RBKS: variants seen among roughly 807,000 people sequenced by gnomAD.
The protein encoded by RBKS is ribokinase.
Under a neutral mutation model 33.9 loss-of-function variants are expected in RBKS, and 33 were observed. The ratio of observed to expected loss-of-function variants is 0.97; its 90% CI spans 0.74 to 1.30. The LOEUF is 1.30. RBKS is among the 50% of genes most tolerant of loss of function. RBKS has a pLI of 0.00. For missense variants in RBKS, 361 were observed against 392.6 expected (o/e 0.92, Z 0.68); for synonymous variants, 125 against 143.0 (o/e 0.87, Z 0.90).
At chr2:27,785,140 A>G (rs1387066853) in intron 7 of RBKS, among the ~76,000 whole-genome samples, 1 of 152,242 alleles carries the variant, frequency 6.6e-6, no homozygotes, top group Non-Finnish European at 1.5e-5. Flanking sequence ...ATTTTGATGA[A>G]TATTTTTGTA....
intron 1 of RBKS, among the ~76,000 whole-genome samples, chr2:27,888,441 T>C (rs1573086227): frequency 6.6e-6 from 1 of 152,202 alleles, no homozygotes; most frequent in East Asian, 1.9e-4. Flanking sequence ...TTAGTTTTCT[T>C]ACTCTTCTGC....
At chr2:27,783,379 G>A (rs758152391) in intron 7 of RBKS, among the ~76,000 whole-genome samples, 1 of 152,142 alleles carries the variant, frequency 6.6e-6, no homozygotes, top group Non-Finnish European at 1.5e-5. Context: ...AAAAATGCAC[G>A]CAGAAAGAGC....
At chr2:27,797,661 G>C (rs1017272253) in intron 7 of RBKS, among the ~76,000 whole-genome samples, 2 of 152,122 alleles carry the variant, frequency 1.3e-5, no homozygotes, top group African/African-American at 4.8e-5. Context: ...CTGCATGGGG[G>C]GTCCATTTTC....
At chr2:27,865,571 C>CTTTT (rs5830052) in intron 1 of RBKS, among the ~76,000 whole-genome samples, 4 of 63,964 alleles carry the variant, frequency 6.3e-5, no homozygotes, top group Admixed American at 1.9e-4. Flanking sequence ...TCTCCTCCTC[C>CTTTT]TTTTTTTTTT....
At position 27,890,074 on chromosome 2, in the gene RBKS, T is replaced by G; in HGVS notation, c.89+183A>C. 2 of 582,262 alleles carry G rather than the reference T, an allele frequency of 3.4e-6. No homozygotes were observed. The highest frequency in any genetic ancestry group is 6.1e-6 in the Non-Finnish European group (2 of 327,006). 36.1% of individuals were successfully genotyped at this position (582,262 alleles called of 1,614,324 possible). On this transcript the variant is annotated intron_variant, in intron 1 of 7. Transcript: ENST00000302188. This position sits in a 1 kb window ranked among gnomAD's most constrained non-coding sequence, Gnocchi z 4.8. Reference sequence around the variant, plus strand: ...ACGTCCCCTCCCCTGAGATTTACCTTTATATACTCAAGTTCTTTCATGCCA... The same window carrying G: ...ACGTCCCCTCCCCTGAGATTTACCTGTATATACTCAAGTTCTTTCATGCCA...
intron 7 of RBKS, among the ~76,000 whole-genome samples, chr2:27,794,154 G>A (rs920271351): frequency 2.6e-5 from 4 of 151,638 alleles, no homozygotes; most frequent in African/African-American, 4.8e-5. Context: ...AAAATTAGCC[G>A]GGCGTGGTGG....
chr2:27,826,592 A>G (rs1405087633), intron 7 of RBKS, among the ~76,000 whole-genome samples: 1 of 152,064 alleles, frequency 6.6e-6, no homozygotes, highest in Non-Finnish European at 1.5e-5. Context: ...TATCTTTAGT[A>G]GAATGGGGTT....
At chr2:27,853,104 T>C (rs1663784656) in intron 2 of RBKS, among the ~76,000 whole-genome samples, 1 of 152,120 alleles carries the variant, frequency 6.6e-6, no homozygotes. Context: ...TGGTGGCTTA[T>C]GCCGTAATCC....
intron 1 of RBKS, among the ~76,000 whole-genome samples, chr2:27,861,051 T>C (rs912398547): frequency 3.3e-5 from 5 of 151,938 alleles, no homozygotes; most frequent in African/African-American, 1.2e-4. Context: ...CACTGCAACC[T>C]CCACCTCCTT....
chr2:27,882,670 A>C (rs754547416), intron 1 of RBKS, among the ~76,000 whole-genome samples: 157 of 152,250 alleles, frequency 1.0e-3, no homozygotes, highest in Non-Finnish European at 1.6e-3. Context: ...AAGACATGGA[A>C]TCAACCTAAA....
At chr2:27,803,744 G>A (rs546046721) in intron 7 of RBKS, among the ~76,000 whole-genome samples, 83 of 150,970 alleles carry the variant, frequency 5.5e-4, no homozygotes, top group African/African-American at 1.9e-3. Context: ...TAATTACTCT[G>A]CAATTAAAAG....
Position 27,811,942 on chromosome 2 carries a change from C to G in RBKS, c.795+15625G>C, listed in dbSNP as rs564020151. Among the ~76,000 whole-genome samples, 7 of 152,212 alleles carry G rather than the reference C, an allele frequency of 4.6e-5. No individual in the cohort carries two copies. In the East Asian group the frequency reaches 1.4e-3, roughly 29 times the overall value. ...AAATTCCACCACTGGCTCAGAGAAACAGCAACAAATCCTGTCACTGAGACT... is the reference window on the plus strand; with the variant it reads ...AAATTCCACCACTGGCTCAGAGAAAGAGCAACAAATCCTGTCACTGAGACT... On this transcript the variant is annotated intron_variant, in intron 7 of 7. Transcript: ENST00000302188.
At chr2:27,888,806 T>C (rs1394116958) in intron 1 of RBKS, among the ~76,000 whole-genome samples, 2 of 152,202 alleles carry the variant, frequency 1.3e-5, no homozygotes, top group East Asian at 3.8e-4. Flanking sequence ...AAATGTGACC[T>C]TGACCACATA....
At chr2:27,816,013 C>T (rs1297538672) in intron 7 of RBKS, among the ~76,000 whole-genome samples, 1 of 152,196 alleles carries the variant, frequency 6.6e-6, no homozygotes, top group Non-Finnish European at 1.5e-5. Flanking sequence ...CAGATCCCCT[C>T]AGGGAGCCCC....
At chr2:27,887,307 C>T (rs746663484) in intron 1 of RBKS, among the ~76,000 whole-genome samples, 1 of 152,176 alleles carries the variant, frequency 6.6e-6, no homozygotes, top group Admixed American at 6.5e-5. Flanking sequence ...ACAGATCCTC[C>T]TCTAGAGTCT....
chr2:27,789,986 T>TAGAG (rs368946256), intron 7 of RBKS, among the ~76,000 whole-genome samples: 3,221 of 130,856 alleles, frequency 0.025, 160 homozygotes, highest in East Asian at 0.16. Flanking sequence ...TATATATATG[T>TAGAG]AGAGAGAGAG....
chr2:27,835,479 C>T lies in RBKS; in HGVS notation c.515-2702G>A, dbSNP rs1000997095. On this transcript the variant is annotated intron_variant, in intron 5 of 7. Coordinates refer to ENST00000302188, the MANE Select transcript of RBKS (RefSeq NM_022128.3). The stretch of plus-strand genomic sequence containing the variant: ...TGTCACCCAGGCTGGAGTATAGTGG[C>T]GCAATCTTGGCTCACTGCAACCTCC... Among the ~76,000 whole-genome samples the T allele has an allele frequency of 3.6e-4, 40 of 110,498 alleles. No individual in the cohort carries two copies. In the Admixed American group the frequency reaches 5.5e-3, roughly 15 times the overall value. 72.5% of individuals were successfully genotyped at this position (110,498 alleles called of 152,430 possible).
chr2:27,809,176 G>A (rs79823219), intron 7 of RBKS, among the ~76,000 whole-genome samples: 5,618 of 152,276 alleles, frequency 0.037, 352 homozygotes, highest in African/African-American at 0.13. Context: ...CCAGCCTGAG[G>A]AACATGTGAA....
intron 5 of RBKS, among the ~76,000 whole-genome samples, chr2:27,841,996 G>A (rs965977223): frequency 6.6e-6 from 1 of 152,136 alleles, no homozygotes; most frequent in African/African-American, 2.4e-5. Flanking sequence ...TTACCACCAT[G>A]TACTACACCA....
Sources: gnomAD v4.1 joint callset for allele counts (sites outside exome capture counted in the v4.1 genomes callset) on GRCh38, gnomAD v4.1.1 for gene constraint, Gnocchi (gnomAD v3.1) non-coding constraint, MANE v1.5 for transcripts, NCBI Gene and HGNC (gene_info 2026-07-23, HGNC 2026-07-21) for gene names.